ABHD11: variants seen among roughly 807,000 people sequenced by gnomAD.
ABHD11 encodes sn-1-specific diacylglycerol lipase ABHD11.
A neutral mutation model predicts 29.0 loss-of-function variants in ABHD11; 26 were observed. That is an observed-to-expected ratio of 0.90 (90% confidence interval 0.66 to 1.24). The LOEUF is 1.24. ABHD11 is among the 50% of genes most tolerant of loss of function. ABHD11 has a pLI of 0.00. For missense variants in ABHD11, 381 were observed against 422.4 expected (o/e 0.90, Z 0.86); for synonymous variants, 169 against 166.4 (o/e 1.02, Z -0.12).
chr7:73,737,392 C>G lies in ABHD11; in HGVS notation c.436-1G>C. 1.2e-6 allele frequency: 2 copies of G among 1,610,102 alleles called. No homozygotes were observed. The highest frequency in any genetic ancestry group is 1.1e-5 in the South Asian group (1 of 90,816). ...CAATGAGACGTTCCACCAGCTCTGG[C>G]TGTGGGAGAGAACCGAACTGGGACC... On this transcript the variant is annotated splice_acceptor_variant, in intron 3 of 5. Transcript: ENST00000222800. LOFTEE classifies it high-confidence loss of function.
chr7:73,738,236 G>T, intron 2 of ABHD11, 92 bp downstream of exon 2: 3 of 1,470,030 alleles, frequency 2.0e-6, no homozygotes, highest in Non-Finnish European at 1.8e-6. Context: ...GGAAGTGAGC[G>T]TGAGAAGCGG....
rs1202902835 is a variant in ABHD11 at position 73,737,014 on chromosome 7, C to T, written c.703G>A (p.Asp235Asn). 6.2e-7 allele frequency: 1 copy of T among 1,613,980 alleles called. No individual in the cohort carries two copies. Among genetic ancestry groups the T allele is most frequent in the Non-Finnish European group, 8.5e-7 (1 of 1,180,030 alleles). ...CTCTGTGGGAAAGCCAAGATCTTGT[C>T]TAGGTGCTGGGTCAGGGCATCCAAG... ...VNLDALTQHL[D>N]KILAFPQRQE... The change falls in exon 5 of 6, where the codon GAC (aspartate) becomes AAC (asparagine). Residue 235 changes from aspartate (D) to asparagine (N), a missense_variant. Coordinates refer to ENST00000222800, the MANE Select transcript of ABHD11 (RefSeq NM_148912.4).
chr7:73,736,370 G>C lies in ABHD11; in HGVS notation c.*189C>G. 1 of 686,906 alleles carries C rather than the reference G, an allele frequency of 1.5e-6. No homozygotes were observed. The highest frequency in any genetic ancestry group is 2.4e-6 in the Non-Finnish European group (1 of 420,220). 42.6% of individuals were successfully genotyped at this position (686,906 alleles called of 1,614,324 possible). ...TTCTCCTGCCTCAGCCTCCAGAGTA[G>C]CTGGGATTACAGGTGTGCACCACCA... On this transcript the variant is annotated 3_prime_UTR_variant, in exon 6 of 6. Coordinates refer to ENST00000222800, the MANE Select transcript of ABHD11 (RefSeq NM_148912.4).
rs1554622105 is a variant in ABHD11, at chr7:73,737,116, G to A, written c.607-6C>T. On this transcript the variant is annotated splice_region_variant and splice_polypyrimidine_tract_variant and intron_variant, in intron 4 of 5. Transcript: ENST00000222800. Reference sequence around the variant, plus strand: ...TGCTGCCGCACGGCCATGTCCTGTGGGGGTGCAGCAGTTGGGGGAGGTTCC... The same window carrying A: ...TGCTGCCGCACGGCCATGTCCTGTGAGGGTGCAGCAGTTGGGGGAGGTTCC... 2.5e-6 allele frequency: 4 copies of A among 1,613,832 alleles called. No individual in the cohort carries two copies. Among genetic ancestry groups the A allele is most frequent in the Admixed American group, 3.3e-5 (2 of 60,028 alleles).
At position 73,738,456 on chromosome 7, in the gene ABHD11, G is replaced by A; in HGVS notation, c.133C>T (p.Pro45Ser). 6.2e-7 allele frequency: 1 copy of A among 1,610,448 alleles called. No individual in the cohort carries two copies. Among genetic ancestry groups the A allele is most frequent in the Non-Finnish European group, 8.5e-7 (1 of 1,178,372 alleles). ...CCGTCCAGAAGCCTGTAGGAAAGCG[G>A]AAGCGGCCTGGCAGGGGAAGGATCG... is the stretch of plus-strand genomic sequence containing the variant. ...GRGGAEPRPL[P>S]LSYRLLDGEA... The change falls in exon 2 of 6, where the codon CCG (proline) becomes TCG (serine). Residue 45 changes from proline to serine, a missense_variant. Transcript: ENST00000222800.
intron 5 of ABHD11, 118 bp from the exon 6 acceptor site, chr7:73,736,809 G>A (rs112503476): frequency 2.7e-5 from 42 of 1,575,958 alleles, no homozygotes; most frequent in African/African-American, 2.4e-4. Flanking sequence ...CCATATGCCC[G>A]GTGGTATTTC....
In ABHD11 at chr7:73,738,736, C is replaced by G; in HGVS notation, c.35G>C (p.Arg12Pro). 6.2e-7 allele frequency: 1 copy of G among 1,609,918 alleles called. No homozygotes were observed. Among genetic ancestry groups the G allele is most frequent in the Non-Finnish European group, 8.5e-7 (1 of 1,178,094 alleles). ...LRWTRAWRLP[R>P]EGLGPHGPSF... ...AGGGCCGTGGGGGCCGAGTCCCTCACGCGGGAGCCTCCAGGCTCGGGTCCA... is the reference window on the plus strand; with the variant it reads ...AGGGCCGTGGGGGCCGAGTCCCTCAGGCGGGAGCCTCCAGGCTCGGGTCCA... Residue 12 changes from arginine to proline, a missense_variant, in exon 1 of 6, where the codon CGT becomes CCT. Physicochemically the swap from Arg to Pro is moderately radical, Grantham distance 103 (BLOSUM62 -2). Coordinates refer to ENST00000222800, the MANE Select transcript of ABHD11 (RefSeq NM_148912.4).
chr7:73,738,409 G>A lies in ABHD11; in HGVS notation c.180C>T (p.Val60=), dbSNP rs918164694. ...LLDGEAALPA[V]VFLHGLFGSK... ...TGCCGAAGAGCCCGTGCAAAAAGAC[G>A]ACGGCCGGGAGGGCTGCCTCCCCGT... The change falls in exon 2 of 6, where the codon GTC becomes GTT. Residue 60 remains valine (V), a synonymous_variant. Transcript: ENST00000222800. 6.8e-6 allele frequency: 11 copies of A among 1,611,866 alleles called. 1 individual carries two copies. The highest frequency in any genetic ancestry group is 1.7e-5 in the Admixed American group (1 of 59,662).
intron 1 of ABHD11, 71 bp from the exon 2 acceptor site, chr7:73,738,534 TTGG>T: frequency 6.4e-7 from 1 of 1,569,306 alleles, no homozygotes; most frequent in Non-Finnish European, 8.6e-7. Context: ...GGAAAGAGCT[TTGG>T]GGGAGAGGCC....
chr7:73,736,733 G>C (rs782281133), intron 5 of ABHD11, 42 bp from the exon 6 acceptor site: 12 of 1,611,660 alleles, frequency 7.4e-6, no homozygotes, highest in Non-Finnish European at 9.3e-6. Flanking sequence ...GGTGAAAGTG[G>C]GATGAGGAGG....
intron 3 of ABHD11, 30 bp downstream of exon 3, chr7:73,737,532 G>T: frequency 6.3e-7 from 1 of 1,576,104 alleles, no homozygotes; most frequent in South Asian, 1.2e-5. Flanking sequence ...TATACTGAAT[G>T]GGAGGAGGCC....
chr7:73,737,150 T>A (rs916493649), intron 4 of ABHD11, 40 bp from the exon 5 acceptor site: 3 of 1,613,312 alleles, frequency 1.9e-6, no homozygotes, highest in Non-Finnish European at 2.5e-6. Context: ...CCTTGTGCGG[T>A]CTGGGGGTGC....
rs782275398 is a variant in ABHD11, at chr7:73,737,516, A to G, written c.435+46T>C. 14 of 1,563,320 alleles carry G rather than the reference A, an allele frequency of 9.0e-6. No homozygotes were observed. The East Asian group carries it at 3.1e-4, about 35-fold the overall frequency. ...GTCCCAGGTTGCCTGCAGGGCCCTC[A>G]GGGTATATACTGAATGGGAGGAGGC... On this transcript the variant is annotated intron_variant, in intron 3 of 5. Coordinates refer to ENST00000222800, the MANE Select transcript of ABHD11 (RefSeq NM_148912.4).
At position 73,736,249 on chromosome 7, in the gene ABHD11, G is replaced by GT. The variant is rs782246989; in HGVS notation, c.*309dup. 107 of 484,394 alleles carry GT rather than the reference G, an allele frequency of 2.2e-4. No homozygotes were observed. Among genetic ancestry groups the GT allele is most frequent in the African/African-American group, 1.1e-3 (54 of 51,194 alleles). 30.0% of individuals were successfully genotyped at this position (484,394 alleles called of 1,614,324 possible). On this transcript the variant is annotated 3_prime_UTR_variant, in exon 6 of 6. Coordinates refer to ENST00000222800, the MANE Select transcript of ABHD11 (RefSeq NM_148912.4). The stretch of plus-strand genomic sequence containing the variant: ...GGGTTTTGTGCCTCCTTTTTGTTTT[G>GT]TTTTTTTTGAGACAGAGTCTTGCTC...
In ABHD11 at chr7:73,737,040, T is replaced by C. The variant is rs1490809611; in HGVS notation, c.677A>G (p.Asn226Ser). The C allele has an allele frequency of 2.3e-5, 37 of 1,613,944 alleles. No homozygotes were observed. The highest frequency in any genetic ancestry group is 3.0e-5 in the Non-Finnish European group (35 of 1,180,026). Residue 226 changes from asparagine (N) to serine (S), a missense_variant, in exon 5 of 6, where the codon AAC (asparagine) becomes AGC (serine). Physicochemically the swap from Asn to Ser is conservative, Grantham distance 46. Coordinates refer to ENST00000222800, the MANE Select transcript of ABHD11 (RefSeq NM_148912.4). Reference sequence around the variant, plus strand: ...TAGGTGCTGGGTCAGGGCATCCAAGTTCACCCTCCACACGAAGCGCCCGTC... The same window carrying C: ...TAGGTGCTGGGTCAGGGCATCCAAGCTCACCCTCCACACGAAGCGCCCGTC... ...EVDGRFVWRV[N>S]LDALTQHLDK...
Position 73,737,747 on chromosome 7 carries a change from G to C in ABHD11, c.262-12C>G. On this transcript the variant is annotated splice_polypyrimidine_tract_variant and intron_variant, in intron 2 of 5. Transcript: ENST00000222800. ...TCCACCGTCAGCACCTGGGGAGTGG[G>C]GTGAGACGGGGCTGCGTTGATATCC... The C allele has an allele frequency of 6.2e-7, 1 of 1,604,424 alleles. No individual in the cohort carries two copies. The highest frequency in any genetic ancestry group is 8.5e-7 in the Non-Finnish European group (1 of 1,175,040).
At position 73,736,619 on chromosome 7, in the gene ABHD11, G is replaced by C. The variant is rs1408915463; in HGVS notation, c.861C>G (p.His287Gln). Reference protein sequence around the residue: ...AQMQTVPNAGHWIHADRPQDF... With the variant: ...AQMQTVPNAGQWIHADRPQDF... ...CCTGTGGGCGGTCAGCGTGGATCCA[G>C]TGGCCAGCGTTCGGCACCGTCTGCA... Residue 287 changes from histidine (H) to glutamine (Q), a missense_variant, in exon 6 of 6, where the codon CAC becomes CAG. By Grantham distance (24) the His-to-Gln change is conservative (BLOSUM62 0). Coordinates refer to ENST00000222800, the MANE Select transcript of ABHD11 (RefSeq NM_148912.4). 3.1e-6 allele frequency: 5 copies of C among 1,614,048 alleles called. No individual in the cohort carries two copies. The highest frequency in any genetic ancestry group is 4.2e-6 in the Non-Finnish European group (5 of 1,180,026).
rs782430033 is a variant in ABHD11 at position 73,738,403 on chromosome 7, A to G, written c.186T>C (p.Phe62=). Residue 62 remains phenylalanine, a synonymous_variant, in exon 2 of 6, where the codon TTT becomes TTC. Transcript: ENST00000222800. ...DGEAALPAVV[F]LHGLFGSKTN... Reference sequence around the variant, plus strand: ...TTTTGCTGCCGAAGAGCCCGTGCAAAAAGACGACGGCCGGGAGGGCTGCCT... The same window carrying G: ...TTTTGCTGCCGAAGAGCCCGTGCAAGAAGACGACGGCCGGGAGGGCTGCCT... The G allele has an allele frequency of 6.2e-7, 1 of 1,612,816 alleles. No individual in the cohort carries two copies. Among genetic ancestry groups the G allele is most frequent in the Non-Finnish European group, 8.5e-7 (1 of 1,179,478 alleles).
At position 73,737,099 on chromosome 7, in the gene ABHD11, C is replaced by T; in HGVS notation, c.618G>A (p.Val206=). ...QLSSVIQDMA[V]RQHLLTNLVE... ...CCAGGTTAGTGAGCAGGTGCTGCCGCACGGCCATGTCCTGTGGGGGTGCAG... is the reference window on the plus strand; with the variant it reads ...CCAGGTTAGTGAGCAGGTGCTGCCGTACGGCCATGTCCTGTGGGGGTGCAG... Residue 206 remains valine, a synonymous_variant, in exon 5 of 6, where the codon GTG becomes GTA. Transcript: ENST00000222800. 1 of 1,613,920 alleles carries T rather than the reference C, an allele frequency of 6.2e-7. No individual in the cohort carries two copies. The highest frequency in any genetic ancestry group is 8.5e-7 in the Non-Finnish European group (1 of 1,180,014).
Sources: gnomAD v4.1 joint callset for allele counts on GRCh38, gnomAD v4.1.1 for gene constraint, MANE v1.5 for transcripts, NCBI Gene and HGNC (gene_info 2026-07-23, HGNC 2026-07-21) for gene names.